Variants in LRRCC1 observed in about 807,000 individuals in gnomAD.
The protein encoded by LRRCC1 is leucine-rich repeat and coiled-coil domain-containing protein 1.
A neutral mutation model predicts 126.0 loss-of-function variants in LRRCC1; 115 were observed. The ratio of observed to expected loss-of-function variants is 0.91; its 90% confidence interval spans 0.78 to 1.07. LRRCC1 has a LOEUF of 1.07. LRRCC1 is among the 50% of genes least tolerant of loss of function. LRRCC1 has a pLI of 0.00. For missense variants in LRRCC1, 1,172 were observed against 1,175.7 expected (o/e 1.00, Z 0.05); for synonymous variants, 400 against 393.4 (o/e 1.02, Z -0.20).
chr8:85,132,853 C>G (rs781188957), intron 12 of LRRCC1, among the ~76,000 whole-genome samples: 1 of 152,208 alleles, frequency 6.6e-6, no homozygotes, highest in African/African-American at 2.4e-5. Flanking sequence ...CCCATTTCCT[C>G]TTGCCTACTT....
intron 17 of LRRCC1, 150 bp from the exon 18 acceptor site, chr8:85,141,232 G>C (rs2136004567): frequency 1.9e-6 from 1 of 537,318 alleles, no homozygotes; most frequent in East Asian, 3.0e-5. Flanking sequence ...TATATCTTTA[G>C]TTACCCTATA....
In LRRCC1 at chr8:85,144,444, GTATA is replaced by G. The variant is rs869241784; in HGVS notation, c.2977-917_2977-914del. On this transcript the variant is annotated intron_variant, in intron 18 of 18. Transcript: ENST00000360375. ...TGTGTGTGTATGTGTGTGTGTGTGT[GTATA>G]TATATATATATATATATATATATAT... Among the ~76,000 whole-genome samples, 179 of 114,894 alleles carry G rather than the reference GTATA, an allele frequency of 1.6e-3. 1 individual carries two copies. Among genetic ancestry groups the G allele is most frequent in the Non-Finnish European group, 2.5e-3 (149 of 60,194 alleles). 75.4% of individuals were successfully genotyped at this position (114,894 alleles called of 152,430 possible).
chr8:85,122,820 G>T (rs748533950), intron 6 of LRRCC1, among the ~76,000 whole-genome samples: 15 of 152,188 alleles, frequency 9.9e-5, no homozygotes, highest in Non-Finnish European at 2.1e-4. Context: ...AGATACTCTA[G>T]ATTTGGTTAT....
At chr8:85,126,027 G>A (rs945105342) in intron 8 of LRRCC1, among the ~76,000 whole-genome samples, 3 of 151,590 alleles carry the variant, frequency 2.0e-5, no homozygotes, top group Non-Finnish European at 4.4e-5. Context: ...TTCAACCCCC[G>A]CCCCAAGTTT....
intron 12 of LRRCC1, among the ~76,000 whole-genome samples, chr8:85,132,808 C>A (rs1810580792): frequency 6.6e-6 from 1 of 152,186 alleles, no homozygotes. Context: ...AATAATTGTG[C>A]TCCTCTGACC....
chr8:85,108,049 C>G (rs530077080), intron 1 of LRRCC1, among the ~76,000 whole-genome samples: 1 of 152,352 alleles, frequency 6.6e-6, no homozygotes, highest in Non-Finnish European at 1.5e-5. Context: ...AGGTCTCCAC[C>G]TGCATTTCAG....
chr8:85,136,723 T>G (rs914400250), intron 14 of LRRCC1, among the ~76,000 whole-genome samples: 1 of 152,248 alleles, frequency 6.6e-6, no homozygotes. Flanking sequence ...TCAGTTTCAT[T>G]CCCTTTCCAA....
intron 12 of LRRCC1, among the ~76,000 whole-genome samples, chr8:85,132,176 C>T (rs185938601): frequency 6.6e-6 from 1 of 152,224 alleles, no homozygotes; most frequent in Non-Finnish European, 1.5e-5. Flanking sequence ...TGTTATAGAG[C>T]ACTGGAATAG....
intron 11 of LRRCC1, 146 bp downstream of exon 11, chr8:85,130,204 CG>C (rs1257400588): frequency 2.0e-6 from 1 of 509,406 alleles, no homozygotes; most frequent in Non-Finnish European, 3.2e-6. Flanking sequence ...GGCGCAATCT[CG>C]GCTCACTGCA....
At chr8:85,138,814 G>T (rs964166404) in intron 17 of LRRCC1, among the ~76,000 whole-genome samples, 8 of 152,160 alleles carry the variant, frequency 5.3e-5, no homozygotes, top group Non-Finnish European at 7.3e-5. Context: ...GGAGGCCGAG[G>T]TGGGTGGATC....
rs113892834 is a variant in LRRCC1, at chr8:85,123,312, C to G, written c.931-101C>G. 1.7e-3 allele frequency: 1,367 copies of G among 795,604 alleles called. 18 individuals carry two copies. In the African/African-American group the frequency reaches 0.022, roughly 13 times the overall value. The allele number at this position is 795,604 out of a possible 1,614,324, so 49.3% of individuals were successfully genotyped here. ...ATATCAAACATTTCTAGTTTATAAA[C>G]CCTTAATCATATAAAAAGATATAAT... On this transcript the variant is annotated intron_variant, in intron 6 of 18. Coordinates refer to ENST00000360375, the MANE Select transcript of LRRCC1 (RefSeq NM_033402.5).
intron 17 of LRRCC1, among the ~76,000 whole-genome samples, chr8:85,138,998 A>T (rs1408290108): frequency 5.3e-5 from 8 of 152,212 alleles, no homozygotes; most frequent in Non-Finnish European, 1.2e-4. Flanking sequence ...GTGAGCTGAG[A>T]TCACACCATT....
chr8:85,134,116 T>C (rs144682560), intron 12 of LRRCC1, among the ~76,000 whole-genome samples: 5 of 152,310 alleles, frequency 3.3e-5, no homozygotes, highest in Non-Finnish European at 7.4e-5. Context: ...CATTGCTCCA[T>C]TGTTGCATTC....
chr8:85,120,764 A>C (rs1201210513), intron 6 of LRRCC1, among the ~76,000 whole-genome samples: 1 of 152,206 alleles, frequency 6.6e-6, no homozygotes, highest in African/African-American at 2.4e-5. Context: ...GTTCATCCAT[A>C]TTGTAGCATA....
chr8:85,117,329 T>C (rs1374766569), intron 6 of LRRCC1, among the ~76,000 whole-genome samples: 1 of 152,206 alleles, frequency 6.6e-6, no homozygotes, highest in Non-Finnish European at 1.5e-5. Flanking sequence ...TAGTTCTTTC[T>C]ACTTTGTTAA....
intron 7 of LRRCC1, among the ~76,000 whole-genome samples, chr8:85,124,423 T>C (rs939084778): frequency 1.3e-4 from 20 of 152,160 alleles, no homozygotes; most frequent in African/African-American, 4.3e-4. Flanking sequence ...CTTTGATCCA[T>C]TGTATGTCGA....
intron 8 of LRRCC1, among the ~76,000 whole-genome samples, chr8:85,126,421 G>T (rs1810003367): frequency 6.6e-6 from 1 of 152,110 alleles, no homozygotes; most frequent in African/African-American, 2.4e-5. Context: ...AGCCAAGCTT[G>T]GTGGCACATG....
rs1190122426 is a variant in LRRCC1, at chr8:85,115,376, T to A, written c.722T>A (p.Ile241Asn). ...TTTTGGTTTGTTTCTGTGTCATAGATCATTGATAGAATGCCAGTGATAACA... is the reference window on the plus strand; with the variant it reads ...TTTTGGTTTGTTTCTGTGTCATAGAACATTGATAGAATGCCAGTGATAACA... ...DSPLNISEDE[I>N]IDRMPVITAP... is the part of the protein sequence containing the mutation. The change falls in exon 6 of 19, where the codon ATC (isoleucine) becomes AAC (asparagine). Residue 241 changes from isoleucine (I) to asparagine (N), a missense_variant and splice_region_variant. Physicochemically the swap from Ile to Asn is moderately radical, Grantham distance 149. Coordinates refer to ENST00000360375, the MANE Select transcript of LRRCC1 (RefSeq NM_033402.5). 2 of 1,611,848 alleles carry A rather than the reference T, an allele frequency of 1.2e-6. No homozygotes were observed. Among genetic ancestry groups the A allele is most frequent in the African/African-American group, 2.7e-5 (2 of 74,866 alleles).
At chr8:85,111,620 C>T (rs1808724765) in intron 3 of LRRCC1, among the ~76,000 whole-genome samples, 2 of 151,502 alleles carry the variant, frequency 1.3e-5, no homozygotes, top group Admixed American at 1.3e-4. Flanking sequence ...GAAAAACAAC[C>T]CCCAAAAAAT....
Sources: allele counts gnomAD v4.1 joint callset (sites outside exome capture counted in the v4.1 genomes callset), GRCh38; gene constraint gnomAD v4.1.1; transcripts MANE v1.5; gene names NCBI Gene and HGNC (gene_info 2026-07-23, HGNC 2026-07-21).